The following CAB39L variants were observed in gnomAD, a reference collection of about 807,000 sequenced individuals.
CAB39L encodes calcium binding protein 39 like.
In CAB39L, 23 loss-of-function variants were observed where a neutral mutation model predicts 39.1. That is an observed-to-expected ratio of 0.59 (90% confidence interval 0.42 to 0.83). The LOEUF (loss-of-function observed/expected upper bound fraction) is 0.83. Ranked by LOEUF, CAB39L falls within the 40% of genes least tolerant of loss-of-function variation. CAB39L has a pLI of 0.00. For missense variants in CAB39L, 366 were observed against 391.9 expected (o/e 0.93, Z 0.56); for synonymous variants, 126 against 137.2 (o/e 0.92, Z 0.57).
chr13:49,343,017 G>A (rs1317102200), intron 8 of CAB39L, among the ~76,000 whole-genome samples: 2 of 152,102 alleles, frequency 1.3e-5, no homozygotes, highest in Non-Finnish European at 2.9e-5. Flanking sequence ...AAAATTTTAA[G>A]TTACATAGTG....
At chr13:49,382,255 C>A (rs143243977) in intron 4 of CAB39L, among the ~76,000 whole-genome samples, 1,591 of 152,136 alleles carry the variant, frequency 0.01, 11 homozygotes, top group South Asian at 0.036. Flanking sequence ...TATTTCTACA[C>A]CCCTTGTAGA....
chr13:49,399,103 A>G (rs540331460), intron 3 of CAB39L, among the ~76,000 whole-genome samples: 50 of 152,190 alleles, frequency 3.3e-4, no homozygotes, highest in Non-Finnish European at 5.6e-4. Context: ...CCTTTATTGG[A>G]TATCTTGGAA....
intron 3 of CAB39L, among the ~76,000 whole-genome samples, chr13:49,418,184 T>C (rs981262009): frequency 3.3e-5 from 5 of 152,166 alleles, no homozygotes; most frequent in African/African-American, 1.2e-4. Flanking sequence ...ATGTGGTACA[T>C]TCATAAAATG....
At chr13:49,387,039 C>G (rs933342842) in intron 3 of CAB39L, among the ~76,000 whole-genome samples, 1 of 152,188 alleles carries the variant, frequency 6.6e-6, no homozygotes, top group Admixed American at 6.5e-5. Flanking sequence ...ACACAAGACA[C>G]GTAAACTCCC....
At chr13:49,413,269 C>T (rs188061408) in intron 3 of CAB39L, among the ~76,000 whole-genome samples, 1 of 152,000 alleles carries the variant, frequency 6.6e-6, no homozygotes, top group East Asian at 1.9e-4. Flanking sequence ...TAGAGATTAC[C>T]TAAGTGAGGA....
At chr13:49,359,389 C>A (rs767341346) in intron 6 of CAB39L, among the ~76,000 whole-genome samples, 2 of 151,716 alleles carry the variant, frequency 1.3e-5, no homozygotes, top group African/African-American at 2.4e-5. Context: ...CTCATGCAAG[C>A]AGGAAAAGGG....
intron 3 of CAB39L, among the ~76,000 whole-genome samples, chr13:49,412,632 CG>C (rs1170803793): frequency 1.3e-5 from 2 of 152,000 alleles, no homozygotes; most frequent in Non-Finnish European, 1.5e-5. Context: ...TACTCAATTA[CG>C]TTAAGCCAGC....
intron 7 of CAB39L, among the ~76,000 whole-genome samples, chr13:49,349,857 C>T (rs1955291481): frequency 6.6e-6 from 1 of 152,138 alleles, no homozygotes; most frequent in Admixed American, 6.5e-5. Context: ...ATAGCAGGAT[C>T]ATAAGCCTAA....
At chr13:49,395,100 G>T (rs202071587) in intron 3 of CAB39L, among the ~76,000 whole-genome samples, 1 of 152,026 alleles carries the variant, frequency 6.6e-6, no homozygotes. Flanking sequence ...TGTTTTTTCC[G>T]AAGCTTGTAT....
chr13:49,319,346 G>GCT (rs1954282480), intron 10 of CAB39L, among the ~76,000 whole-genome samples: 1 of 152,014 alleles, frequency 6.6e-6, no homozygotes, highest in African/African-American at 2.4e-5. Flanking sequence ...CACACAAAAG[G>GCT]CCACACACTG....
chr13:49,426,049 G>T (rs1957239725), intron 3 of CAB39L, among the ~76,000 whole-genome samples: 1 of 152,062 alleles, frequency 6.6e-6, no homozygotes, highest in Admixed American at 6.5e-5. Flanking sequence ...AAAGCTTTGT[G>T]GGGGTCCTAG....
chr13:49,383,252 G>A (rs1174856928), intron 3 of CAB39L, among the ~76,000 whole-genome samples: 1 of 151,880 alleles, frequency 6.6e-6, no homozygotes, highest in East Asian at 1.9e-4. Context: ...TTTGACCAAA[G>A]AAAGTGATAA....
At chr13:49,436,553 C>CTTTT (rs57141770) in intron 1 of CAB39L, among the ~76,000 whole-genome samples, 2 of 73,428 alleles carry the variant, frequency 2.7e-5, no homozygotes, top group Non-Finnish European at 4.7e-5. Context: ...TTCTTTATGA[C>CTTTT]TTTTTTTTTT....
At chr13:49,405,691 C>A (rs975365130) in intron 3 of CAB39L, among the ~76,000 whole-genome samples, 1 of 70,422 alleles carries the variant, frequency 1.4e-5, no homozygotes, top group Non-Finnish European at 3.0e-5. Flanking sequence ...CAAGACCCTG[C>A]TGAAAGAAAG....
chr13:49,381,900 T>C (rs898378781), intron 4 of CAB39L, among the ~76,000 whole-genome samples: 6 of 152,194 alleles, frequency 3.9e-5, no homozygotes, highest in Non-Finnish European at 5.9e-5. Context: ...TGCAGGCACA[T>C]GCATATCTTC....
chr13:49,384,555 T>C (rs1956316969), intron 3 of CAB39L, among the ~76,000 whole-genome samples: 1 of 152,222 alleles, frequency 6.6e-6, no homozygotes, highest in Non-Finnish European at 1.5e-5. Flanking sequence ...ATTAGAGGAA[T>C]CACTATCTAT....
intron 1 of CAB39L, among the ~76,000 whole-genome samples, chr13:49,440,362 C>T (rs540367418): frequency 6.6e-6 from 1 of 152,204 alleles, no homozygotes; most frequent in African/African-American, 2.4e-5. Flanking sequence ...ATAGGAAGTT[C>T]TTTCTCCATT....
At chr13:49,376,841 C>T in intron 5 of CAB39L, 126 bp downstream of exon 5, 1 of 741,064 alleles carries the variant, frequency 1.3e-6, no homozygotes, top group Non-Finnish European at 2.0e-6. Flanking sequence ...TTAGAAAAAA[C>T]TTTAAAAAAT....
chr13:49,358,997 G>A (rs1379053244), intron 6 of CAB39L, among the ~76,000 whole-genome samples: 2 of 152,072 alleles, frequency 1.3e-5, no homozygotes, highest in Admixed American at 6.6e-5. Flanking sequence ...CAGGTGAGAT[G>A]GACTAGGTAT....
Sources: allele counts gnomAD v4.1 joint callset (sites outside exome capture counted in the v4.1 genomes callset), GRCh38; gene constraint gnomAD v4.1.1; transcripts MANE v1.5; gene names NCBI Gene and HGNC (gene_info 2026-07-23, HGNC 2026-07-21).